Variants in COPS4 observed in about 807,000 individuals in gnomAD.
COPS4 encodes the protein COP9 signalosome subunit 4.
COPS4 carries 8 observed loss-of-function variants against 55.1 expected under a neutral mutation model. The observed-to-expected ratio is 0.15, with a 90% CI of 0.09 to 0.26. The LOEUF (loss-of-function observed/expected upper bound fraction) is 0.26, where lower values mean the gene tolerates loss of function less well. COPS4 is among the 10% of genes least tolerant of loss of function. The pLI is 1.00. For synonymous variants in COPS4, 185 were observed against 165.7 expected, an observed-to-expected ratio of 1.12 and a Z score of -0.90; for missense variants, 248 against 484.0, an observed-to-expected ratio of 0.51 and a Z score of 4.58.
At chr4:83,073,076 A>G (rs938439237) in intron 9 of COPS4, 9 of 429,944 alleles carry the variant, frequency 2.1e-5, no homozygotes, top group African/African-American at 1.8e-4. Flanking sequence ...AAAGTAAACA[A>G]TTCAATGGCC....
At position 83,057,034 on chromosome 4, in the gene COPS4, G is replaced by A; in HGVS notation, c.519G>A (p.Leu173=). ...AGGCTTACATAAATCGAGCATCGTTGCTTCAGAATGAATCAACCAATGAAC... is the reference window on the plus strand; with the variant it reads ...AGGCTTACATAAATCGAGCATCGTTACTTCAGAATGAATCAACCAATGAAC... ...QAEAYINRAS[L]LQNESTNEQL... The change falls in exon 5 of 10, where the codon TTG becomes TTA. Residue 173 remains leucine, a synonymous_variant. Coordinates refer to ENST00000264389, the MANE Select transcript of COPS4 (RefSeq NM_016129.3). The A allele has an allele frequency of 1.9e-6, 3 of 1,614,062 alleles. No individual in the cohort carries two copies. Among genetic ancestry groups the A allele is most frequent in the Non-Finnish European group, 2.5e-6 (3 of 1,179,968 alleles).
chr4:83,042,187 A>G (rs1730586689), intron 1 of COPS4, among the ~76,000 whole-genome samples: 1 of 152,034 alleles, frequency 6.6e-6, no homozygotes, highest in African/African-American at 2.4e-5. Flanking sequence ...AACACTTGAC[A>G]TATTAACTTT....
intron 9 of COPS4, among the ~76,000 whole-genome samples, chr4:83,073,830 G>T (rs1321910279): frequency 6.6e-6 from 1 of 152,102 alleles, no homozygotes; most frequent in Non-Finnish European, 1.5e-5. Flanking sequence ...AGTGGTGCAT[G>T]CCTGTAGTCC....
Position 83,065,893 on chromosome 4 carries a change from G to T in COPS4, c.887-545G>T, listed in dbSNP as rs1296171930. Among the ~76,000 whole-genome samples, 3 of 152,336 alleles carry T rather than the reference G, an allele frequency of 2.0e-5. No homozygotes were observed. The East Asian group carries it at 5.8e-4, about 29-fold the overall frequency. ...TTAATGGGCTGGTGCCGCGGCTCAT[G>T]CCTGTAATCGCAGCACATTGGGAGG... On this transcript the variant is annotated intron_variant, in intron 7 of 9. Transcript: ENST00000264389.
chr4:83,065,870 A>T (rs1463457630), intron 7 of COPS4, among the ~76,000 whole-genome samples: 1 of 152,164 alleles, frequency 6.6e-6, no homozygotes, highest in African/African-American at 2.4e-5. Flanking sequence ...AAGAAAAGTT[A>T]ATGGGCTGGT....
At chr4:83,042,016 C>G (rs762697617) in intron 1 of COPS4, among the ~76,000 whole-genome samples, 2 of 151,752 alleles carry the variant, frequency 1.3e-5, no homozygotes, top group African/African-American at 4.8e-5. Flanking sequence ...AGGCACGTGC[C>G]ACCACACCTG....
chr4:83,065,051 T>G, intron 7 of COPS4: 1 of 692,040 alleles, frequency 1.4e-6, no homozygotes, highest in Non-Finnish European at 2.6e-6. Flanking sequence ...TTTTTAAATT[T>G]TTTTGTAGAG....
intron 4 of COPS4, among the ~76,000 whole-genome samples, chr4:83,050,378 A>T (rs984679203): frequency 6.6e-6 from 1 of 151,836 alleles, no homozygotes; most frequent in Non-Finnish European, 1.5e-5. Context: ...GCTCACTGCA[A>T]CCTCTGCCTC....
At chr4:83,070,831 T>C (rs1013033249) in intron 9 of COPS4, among the ~76,000 whole-genome samples, 9 of 152,254 alleles carry the variant, frequency 5.9e-5, no homozygotes, top group Non-Finnish European at 8.8e-5. Flanking sequence ...TTGTTTACAC[T>C]GTAATGAATG....
chr4:83,037,706 T>G (rs901755887), intron 1 of COPS4, among the ~76,000 whole-genome samples: 3 of 152,234 alleles, frequency 2.0e-5, no homozygotes, highest in African/African-American at 7.2e-5. Context: ...GGTGTTTTTT[T>G]TAGGAGCTGA....
chr4:83,047,630 G>A (rs1208339346), intron 2 of COPS4, among the ~76,000 whole-genome samples: 3 of 152,104 alleles, frequency 2.0e-5, no homozygotes, highest in East Asian at 1.9e-4. Flanking sequence ...ACCAGGAAAA[G>A]CAGTCTACTG....
chr4:83,043,819 A>G (rs1209638219), intron 1 of COPS4, among the ~76,000 whole-genome samples: 1 of 152,204 alleles, frequency 6.6e-6, no homozygotes, highest in Non-Finnish European at 1.5e-5. Context: ...ATAATTTTCT[A>G]AAAACTTAAT....
At chr4:83,037,603 G>GC (rs1730459890) in intron 1 of COPS4, among the ~76,000 whole-genome samples, 1 of 152,030 alleles carries the variant, frequency 6.6e-6, no homozygotes, top group Non-Finnish European at 1.5e-5. Context: ...AGTTCTACCA[G>GC]CTATATGCTT....
intron 6 of COPS4, among the ~76,000 whole-genome samples, chr4:83,060,180 A>G (rs13145987): frequency 0.18 from 26,177 of 145,990 alleles, 2,538 homozygotes; most frequent in South Asian, 0.31. Flanking sequence ...GACAGATGGT[A>G]TAGTTCTTTT....
At chr4:83,045,387 A>C (rs1041715325) in intron 1 of COPS4, among the ~76,000 whole-genome samples, 4 of 152,156 alleles carry the variant, frequency 2.6e-5, no homozygotes, top group African/African-American at 9.7e-5. Context: ...AAACTTAAAA[A>C]ATTCTGGTAT....
intron 3 of COPS4, chr4:83,049,593 C>T (rs1367472903): frequency 2.1e-6 from 1 of 466,034 alleles, no homozygotes; most frequent in African/African-American, 2.0e-5. Flanking sequence ...GCTGAAAACA[C>T]AGGAAAACTC....
intron 6 of COPS4, among the ~76,000 whole-genome samples, chr4:83,061,580 G>A (rs972358327): frequency 6.6e-6 from 1 of 152,116 alleles, no homozygotes; most frequent in African/African-American, 2.4e-5. Context: ...CTTATTGGCT[G>A]CTAGGAATAG....
rs1731552449 is a variant in COPS4, at chr4:83,075,549, C to A, written c.*119C>A. 8.8e-7 allele frequency: 1 copy of A among 1,134,932 alleles called. No homozygotes were observed. The highest frequency in any genetic ancestry group is 1.2e-6 in the Non-Finnish European group (1 of 811,626). The allele number at this position is 1,134,932 out of a possible 1,614,324, so 70.3% of individuals were successfully genotyped here. On this transcript the variant is annotated 3_prime_UTR_variant, in exon 10 of 10. Coordinates refer to ENST00000264389, the MANE Select transcript of COPS4 (RefSeq NM_016129.3). ...ATTTCAATCCCTTTTATGCTGGATT[C>A]CGTTTAAAGAAGACATTATTAGAGC...
intron 6 of COPS4, among the ~76,000 whole-genome samples, chr4:83,061,764 C>G (rs1187659571): frequency 6.7e-6 from 1 of 150,126 alleles, no homozygotes; most frequent in Admixed American, 6.7e-5. Context: ...CCAGAGTAGT[C>G]TGGCTTCAAG....
Sources: gnomAD v4.1 joint callset for allele counts (sites outside exome capture counted in the v4.1 genomes callset) on GRCh38, gnomAD v4.1.1 for gene constraint, MANE v1.5 for transcripts, NCBI Gene and HGNC (gene_info 2026-07-23, HGNC 2026-07-21) for gene names.